The following RNF212B variants were observed in gnomAD, a reference collection of about 807,000 sequenced individuals.
The protein encoded by RNF212B is E3 ubiquitin-protein ligase RNF212B.
In RNF212B, 52 loss-of-function variants were observed where a neutral mutation model predicts 55.5. The observed-to-expected ratio is 0.94, with a 90% confidence interval of 0.75 to 1.18. The LOEUF (loss-of-function observed/expected upper bound fraction) is 1.18, where lower values mean the gene tolerates loss of function less well. Among genes scored for constraint, RNF212B ranks in the 50% most tolerant of loss-of-function variants. The probability of loss-of-function intolerance (pLI) is 0.00; values close to 1 mark genes in which losing one functional copy is unlikely to be tolerated. For missense variants in RNF212B, 289 were observed against 350.4 expected (o/e 0.82, Z 1.40); for synonymous variants, 99 against 121.4 (o/e 0.82, Z 1.21).
chr14:23,255,286 A>G (rs1293930282), intron 4 of RNF212B, among the ~76,000 whole-genome samples: 1 of 152,224 alleles, frequency 6.6e-6, no homozygotes, highest in African/African-American at 2.4e-5. Context: ...TAGGACTGCA[A>G]ATCAAAGCCA....
chr14:23,221,458 T>C (rs937304562), intron 2 of RNF212B, among the ~76,000 whole-genome samples: 2 of 152,176 alleles, frequency 1.3e-5, no homozygotes, highest in Non-Finnish European at 2.9e-5. Context: ...TGTAAGTATA[T>C]ATGCACCCAA....
chr14:23,200,414 C>T (rs1226984452), intron 2 of RNF212B, among the ~76,000 whole-genome samples: 1 of 152,036 alleles, frequency 6.6e-6, no homozygotes, highest in Non-Finnish European at 1.5e-5. Flanking sequence ...CAACCTCTGC[C>T]TCCTGGGATC....
chr14:23,224,211 A>G (rs1286553731), intron 2 of RNF212B, among the ~76,000 whole-genome samples: 1 of 151,846 alleles, frequency 6.6e-6, no homozygotes, highest in East Asian at 1.9e-4. Flanking sequence ...AATACCGATG[A>G]CATTCTCCAC....
chr14:23,196,567 G>C lies in RNF212B; in HGVS notation c.-2+3166G>C, dbSNP rs1878728964. ...CAATCCTCCCGCCTCAGCCTCCTGAGTAGCTAGGACTACAGGGCTGCACCA... is the reference window on the plus strand; with the variant it reads ...CAATCCTCCCGCCTCAGCCTCCTGACTAGCTAGGACTACAGGGCTGCACCA... On this transcript the variant is annotated intron_variant, in intron 2 of 15. Coordinates refer to the RNF212B transcript ENST00000399910. Among the ~76,000 whole-genome samples the C allele has an allele frequency of 2.0e-5, 3 of 152,148 alleles. No individual in the cohort carries two copies. The South Asian group carries it at 6.2e-4, about 32-fold the overall frequency.
rs1594946846 is a variant in RNF212B, at chr14:23,262,660, TGCA to T, written c.435-3_435-1del. On this transcript the variant is annotated splice_acceptor_variant and splice_polypyrimidine_tract_variant and intron_variant, in intron 7 of 14. Transcript: ENST00000430154. LOFTEE classifies it high-confidence loss of function. The stretch of plus-strand genomic sequence containing the variant: ...TAGAGCCGCCTCTTTTTTTTTCCCT[TGCA>T]GGTCAATCACACCTCGACCAGTGGG... 2 of 1,550,138 alleles carry T rather than the reference TGCA, an allele frequency of 1.3e-6. No individual in the cohort carries two copies. Among genetic ancestry groups the T allele is most frequent in the Admixed American group, 2.0e-5 (1 of 50,898 alleles).
intron 1 of RNF212B, among the ~76,000 whole-genome samples, chr14:23,191,433 A>T (rs1878113237): frequency 1.3e-5 from 2 of 151,700 alleles, no homozygotes. Flanking sequence ...CCATTACTTA[A>T]CATAATTTGT....
intron 2 of RNF212B, among the ~76,000 whole-genome samples, chr14:23,221,969 C>T (rs1221760297): frequency 6.6e-6 from 1 of 152,016 alleles, no homozygotes; most frequent in Non-Finnish European, 1.5e-5. Flanking sequence ...ATACCAAAAC[C>T]TATGGGATAT....
At chr14:23,210,797 A>AAAAAAAAAAT in intron 2 of RNF212B, among the ~76,000 whole-genome samples, 1 of 150,428 alleles carries the variant, frequency 6.6e-6, no homozygotes, top group African/African-American at 2.4e-5. Flanking sequence ...AAAAAAAAAG[A>AAAAAAAAAAT]AATGTAGGAT....
chr14:23,232,787 G>C (rs530020452), intron 2 of RNF212B, among the ~76,000 whole-genome samples: 15 of 147,620 alleles, frequency 1.0e-4, no homozygotes, highest in African/African-American at 2.5e-4. Flanking sequence ...AGGGAGGTGG[G>C]GGGGGGGTCA....
At chr14:23,272,528 G>T in intron 14 of RNF212B, 1 of 387,288 alleles carries the variant, frequency 2.6e-6, no homozygotes, top group South Asian at 2.6e-5. Flanking sequence ...TGCCTCCCTG[G>T]TAGTCATCTC....
intron 4 of RNF212B, among the ~76,000 whole-genome samples, chr14:23,250,351 C>T (rs1490846917): frequency 2.0e-5 from 3 of 151,702 alleles, no homozygotes; most frequent in Admixed American, 6.6e-5. Flanking sequence ...GTCATGGTGG[C>T]GCGTGCCTGT....
intron 2 of RNF212B, among the ~76,000 whole-genome samples, chr14:23,211,490 A>T (rs75994736): frequency 0.039 from 5,963 of 152,216 alleles, 393 homozygotes; most frequent in African/African-American, 0.14. Context: ...AGAGAAAGGA[A>T]TAGTTCCCCA....
intron 1 of RNF212B, among the ~76,000 whole-genome samples, chr14:23,238,419 T>TAC (rs144725519): frequency 2.9e-4 from 44 of 151,132 alleles, no homozygotes; most frequent in Non-Finnish European, 2.1e-4. Flanking sequence ...CCTCAGCGGT[T>TAC]ACACACACAC....
In RNF212B at chr14:23,269,966, T is replaced by A. The variant is rs1410712958; in HGVS notation, c.772+6T>A. ...CCTCACCCCCAACAATTTTGGTAAG[T>A]TAAATAACATTTCCAAAGGAATGGA... On this transcript the variant is annotated splice_donor_region_variant and intron_variant, in intron 13 of 14. Transcript: ENST00000430154. 1 of 1,426,104 alleles carries A rather than the reference T, an allele frequency of 7.0e-7. No homozygotes were observed. The highest frequency in any genetic ancestry group is 2.5e-5 in the East Asian group (1 of 40,352). 88.3% of individuals were successfully genotyped at this position (1,426,104 alleles called of 1,614,324 possible). A position where few individuals can be genotyped will look rare whatever the true frequency, so the allele number is the denominator to read the frequency against.
intron 2 of RNF212B, among the ~76,000 whole-genome samples, chr14:23,242,492 G>A (rs573589901): frequency 6.6e-6 from 1 of 152,262 alleles, no homozygotes; most frequent in South Asian, 2.1e-4. Context: ...GCATAACTGG[G>A]GACTTTCTTA....
chr14:23,266,537 G>A (rs1479072450), intron 11 of RNF212B, among the ~76,000 whole-genome samples: 1 of 143,922 alleles, frequency 6.9e-6, no homozygotes, highest in African/African-American at 2.6e-5. Context: ...TCAGCCTCCC[G>A]AGTAGCTGGG....
chr14:23,219,625 C>T (rs1016397012), intron 2 of RNF212B, among the ~76,000 whole-genome samples: 1 of 151,904 alleles, frequency 6.6e-6, no homozygotes, highest in Admixed American at 6.6e-5. Flanking sequence ...GCGTGCACCA[C>T]CATGCCCAGC....
chr14:23,220,221 CAAAAACA>C (rs1881441449), intron 2 of RNF212B, among the ~76,000 whole-genome samples: 1 of 150,968 alleles, frequency 6.6e-6, no homozygotes, highest in African/African-American at 2.4e-5. Context: ...AAAACAAAAA[CAAAAACA>C]AAAACAAAAA....
At chr14:23,241,124 C>A (rs915164497) in intron 2 of RNF212B, among the ~76,000 whole-genome samples, 6 of 151,986 alleles carry the variant, frequency 3.9e-5, no homozygotes, top group African/African-American at 1.5e-4. Context: ...TCACGGAAGA[C>A]TTCACAGAAG....
Sources: allele counts gnomAD v4.1 joint callset (sites outside exome capture counted in the v4.1 genomes callset), GRCh38; gene constraint gnomAD v4.1.1; transcripts MANE v1.5; gene names NCBI Gene and HGNC (gene_info 2026-07-23, HGNC 2026-07-21).